The following CHCHD6 variants were observed in gnomAD, a reference collection of about 807,000 sequenced individuals.
CHCHD6 encodes MICOS complex subunit MIC25.
CHCHD6 carries 28 observed loss-of-function variants against 32.3 expected under a neutral mutation model. The observed-to-expected ratio is 0.87, with a 90% CI of 0.64 to 1.19. CHCHD6 has a LOEUF of 1.19. Among genes scored for constraint, CHCHD6 ranks in the 50% most tolerant of loss-of-function variants. CHCHD6 has a pLI of 0.00. For synonymous variants in CHCHD6, 122 were observed against 117.5 expected, an observed-to-expected ratio of 1.04 and a Z score of -0.25; for missense variants, 333 against 307.0, an observed-to-expected ratio of 1.08 and a Z score of -0.63.
intron 1 of CHCHD6, among the ~76,000 whole-genome samples, chr3:126,712,414 C>T (rs927472888): frequency 6.6e-6 from 1 of 152,168 alleles, no homozygotes; most frequent in African/African-American, 2.4e-5. Flanking sequence ...TTTCTTGTAT[C>T]ACAGTACAAT....
At chr3:126,790,910 A>G (rs1938501435) in intron 4 of CHCHD6, among the ~76,000 whole-genome samples, 1 of 151,970 alleles carries the variant, frequency 6.6e-6, no homozygotes, top group African/African-American at 2.4e-5. Context: ...TGATTTTTAG[A>G]ATTTTCAGTT....
intron 4 of CHCHD6, among the ~76,000 whole-genome samples, chr3:126,778,887 TG>T (rs1937781472): frequency 6.6e-6 from 1 of 151,814 alleles, no homozygotes; most frequent in African/African-American, 2.4e-5. Flanking sequence ...CCTGAGTAGC[TG>T]GAACTACAGC....
At chr3:126,815,615 G>T (rs1037976257) in intron 4 of CHCHD6, among the ~76,000 whole-genome samples, 5 of 149,874 alleles carry the variant, frequency 3.3e-5, no homozygotes, top group African/African-American at 1.2e-4. Flanking sequence ...TTCTAGTCTA[G>T]CCCTTGCTGT....
intron 7 of CHCHD6, chr3:126,957,912 G>T: frequency 2.6e-6 from 1 of 378,066 alleles, no homozygotes; most frequent in Non-Finnish European, 5.1e-6. Flanking sequence ...GGGTGGCAGA[G>T]GCCCGAGTGC....
intron 4 of CHCHD6, among the ~76,000 whole-genome samples, chr3:126,755,334 G>T (rs1576376373): frequency 1.3e-5 from 2 of 152,176 alleles, no homozygotes; most frequent in African/African-American, 4.8e-5. Context: ...CAAGGCCCAG[G>T]GTGAGGCTAG....
intron 4 of CHCHD6, chr3:126,766,920 G>A: frequency 9.6e-7 from 1 of 1,046,272 alleles, no homozygotes; most frequent in Non-Finnish European, 1.5e-6. Context: ...GCCGGCCATA[G>A]CCACTGAAGC....
chr3:126,768,369 C>T (rs1199582808), intron 4 of CHCHD6, among the ~76,000 whole-genome samples: 1 of 152,168 alleles, frequency 6.6e-6, no homozygotes, highest in Non-Finnish European at 1.5e-5. Flanking sequence ...GAAGCAGAAG[C>T]CACTATGCTT....
chr3:126,864,005 C>T (rs115174992), intron 5 of CHCHD6, among the ~76,000 whole-genome samples: 3,875 of 148,854 alleles, frequency 0.026, 86 homozygotes, highest in Non-Finnish European at 0.035. Flanking sequence ...ACCTTCTCCC[C>T]CACTATCACC....
intron 4 of CHCHD6, chr3:126,766,738 TA>T: frequency 8.6e-7 from 1 of 1,162,132 alleles, no homozygotes; most frequent in South Asian, 1.2e-5. Context: ...TGCTTTTGGG[TA>T]TGTGGTAGAT....
intron 5 of CHCHD6, among the ~76,000 whole-genome samples, chr3:126,902,238 C>CA (rs905446685): frequency 1.3e-5 from 2 of 152,124 alleles, no homozygotes; most frequent in African/African-American, 4.8e-5. Flanking sequence ...TGGGCTCAGG[C>CA]AAAACGTGTA....
intron 4 of CHCHD6, among the ~76,000 whole-genome samples, chr3:126,751,612 A>T (rs917671116): frequency 1.3e-5 from 2 of 151,968 alleles, no homozygotes; most frequent in South Asian, 4.2e-4. Flanking sequence ...TAGCCAGAGC[A>T]GACCTGGGTT....
At chr3:126,707,545 A>G (rs772078620) in intron 1 of CHCHD6, among the ~76,000 whole-genome samples, 24 of 152,134 alleles carry the variant, frequency 1.6e-4, no homozygotes, top group Non-Finnish European at 2.5e-4. Context: ...TCCTCTCCAC[A>G]TGAGCCGCCC....
At chr3:126,776,783 C>T (rs1485392211) in intron 4 of CHCHD6, among the ~76,000 whole-genome samples, 2 of 152,090 alleles carry the variant, frequency 1.3e-5, no homozygotes, top group East Asian at 1.9e-4. Context: ...TAACCAACAT[C>T]ATTTTTTTTC....
At chr3:126,869,288 CTTTTTTTTTT>C (rs58408227) in intron 5 of CHCHD6, among the ~76,000 whole-genome samples, 2 of 108,702 alleles carry the variant, frequency 1.8e-5, no homozygotes, top group East Asian at 2.5e-4. Context: ...CACCAGTCTC[CTTTTTTTTTT>C]TTTTTTTTTT....
At chr3:126,958,070 T>C (rs2078811793) in intron 7 of CHCHD6, 1 of 184,148 alleles carries the variant, frequency 5.4e-6, no homozygotes, top group Non-Finnish European at 1.2e-5. Context: ...CCAAGCCTCA[T>C]GTGCTCTCTG....
intron 5 of CHCHD6, among the ~76,000 whole-genome samples, chr3:126,910,274 A>AAAAAAAAAAAAAAAC (rs2078069026): frequency 6.6e-5 from 2 of 30,134 alleles, no homozygotes; most frequent in Non-Finnish European, 2.5e-4. Flanking sequence ...CTGCCTCAGG[A>AAAAAAAAAAAAAAAC]AAAAAAAAAA....
chr3:126,808,160 A>T (rs1939499016), intron 4 of CHCHD6, among the ~76,000 whole-genome samples: 1 of 152,114 alleles, frequency 6.6e-6, no homozygotes, highest in Admixed American at 6.5e-5. Flanking sequence ...ACTCATTCAG[A>T]TTGTTGTCTG....
intron 1 of CHCHD6, among the ~76,000 whole-genome samples, chr3:126,719,300 T>C (rs1267454424): frequency 6.6e-6 from 1 of 152,234 alleles, no homozygotes; most frequent in African/African-American, 2.4e-5. Flanking sequence ...AGGATGTACA[T>C]GTGGTTGAGC....
chr3:126,800,201 G>T, intron 4 of CHCHD6, among the ~76,000 whole-genome samples: 1 of 152,128 alleles, frequency 6.6e-6, no homozygotes, highest in East Asian at 1.9e-4. Flanking sequence ...AAAACTCAAC[G>T]ATTGTAAGGA....
Sources: allele counts gnomAD v4.1 joint callset (sites outside exome capture counted in the v4.1 genomes callset), GRCh38; gene constraint gnomAD v4.1.1; transcripts MANE v1.5; gene names NCBI Gene and HGNC (gene_info 2026-07-23, HGNC 2026-07-21).